The following GAS6 variants were observed in gnomAD, a reference collection of about 807,000 sequenced individuals.
The protein encoded by GAS6 is growth arrest specific 6, also known as growth arrest-specific protein 6.
A neutral mutation model predicts 75.8 loss-of-function variants in GAS6; 41 were observed. The ratio of observed to expected loss-of-function variants is 0.54; its 90% CI spans 0.42 to 0.70. GAS6 has a LOEUF of 0.70. GAS6 is among the 30% of genes least tolerant of loss of function. The pLI, the probability that GAS6 is intolerant of heterozygous loss-of-function variation, is 0.00. For missense variants in GAS6, 854 were observed against 940.2 expected (o/e 0.91, Z 1.20); for synonymous variants, 432 against 412.6 (o/e 1.05, Z -0.57).
chr13:113,827,384 A>G (rs2138621569), intron 11 of GAS6, among the ~76,000 whole-genome samples: 1 of 152,366 alleles, frequency 6.6e-6, no homozygotes, highest in Non-Finnish European at 1.5e-5. Flanking sequence ...TCAAGAACTA[A>G]AGGTTCATTT....
intron 6 of GAS6, chr13:113,835,935 C>G: frequency 1.7e-6 from 2 of 1,188,006 alleles, no homozygotes; most frequent in Non-Finnish European, 2.1e-6. Context: ...CTGTGCTGTT[C>G]CATTTAAATG....
chr13:113,854,375 G>T (rs997652205), intron 2 of GAS6, among the ~76,000 whole-genome samples: 1 of 152,262 alleles, frequency 6.6e-6, no homozygotes, highest in Non-Finnish European at 1.5e-5. Context: ...AGCTCGAGTG[G>T]CTTCCAGCAG....
chr13:113,847,168 C>T (rs1302812487), intron 3 of GAS6: 1 of 311,818 alleles, frequency 3.2e-6, no homozygotes, highest in Non-Finnish European at 6.4e-6. Flanking sequence ...GTTGCTTATC[C>T]AGGCGCAGAA....
At position 113,838,180 on chromosome 13, in the gene GAS6, A is replaced by G; in HGVS notation, c.478T>C (p.Cys160Arg). ...GRLCDKDVNE[C>R]SQENGGCLQI... Reference sequence around the variant, plus strand: ...AGGCAGCCCCCGTTCTCCTGGCTGCATTCGTTGACATCTGGGAACAAGCAC... The same window carrying G: ...AGGCAGCCCCCGTTCTCCTGGCTGCGTTCGTTGACATCTGGGAACAAGCAC... Residue 160 changes from cysteine to arginine, a missense_variant, in exon 6 of 15, where the codon TGC becomes CGC. Coordinates refer to ENST00000327773, the MANE Select transcript of GAS6 (RefSeq NM_000820.4). 4 of 1,612,728 alleles carry G rather than the reference A, an allele frequency of 2.5e-6. No individual in the cohort carries two copies. The highest frequency in any genetic ancestry group is 3.4e-6 in the Non-Finnish European group (4 of 1,179,874).
rs541115668 is a variant in GAS6 at position 113,845,725 on chromosome 13, G to A, written c.343+802C>T. 4 of 145,664 alleles carry A rather than the reference G, an allele frequency of 2.7e-5. No homozygotes were observed. In the Admixed American group the frequency reaches 2.8e-4, roughly 10 times the overall value. The allele number at this position is 145,664 out of a possible 1,614,324, so 9.0% of individuals were successfully genotyped here. A position where few individuals can be genotyped will look rare whatever the true frequency, so the allele number is the denominator to read the frequency against. On this transcript the variant is annotated intron_variant, in intron 4 of 14. Coordinates refer to ENST00000327773, the MANE Select transcript of GAS6 (RefSeq NM_000820.4). This position sits in a 1 kb window ranked among gnomAD's most constrained non-coding sequence, Gnocchi z 4.3. The stretch of plus-strand genomic sequence containing the variant: ...ATACACAGTTTTTAAACCTATGAAG[G>A]ACAGCTTTACTCATTAGTTAAAAAA...
intron 12 of GAS6, among the ~76,000 whole-genome samples, chr13:113,826,436 A>G (rs1245118172): frequency 1.6e-5 from 2 of 128,684 alleles, no homozygotes; most frequent in Non-Finnish European, 3.3e-5. Context: ...CCTCGCAGGC[A>G]CCTTCTCTCC....
At chr13:113,855,356 G>A (rs1233784815) in intron 2 of GAS6, among the ~76,000 whole-genome samples, 3 of 152,182 alleles carry the variant, frequency 2.0e-5, no homozygotes, top group East Asian at 1.9e-4. Context: ...ATAAGCTACC[G>A]GCCTCTGTTC....
chr13:113,838,153 G>C lies in GAS6; in HGVS notation c.505C>G (p.Gln169Glu), dbSNP rs759463670. 6.2e-7 allele frequency: 1 copy of C among 1,612,960 alleles called. No homozygotes were observed. The highest frequency in any genetic ancestry group is 8.5e-7 in the Non-Finnish European group (1 of 1,179,906). Residue 169 changes from glutamine (Q) to glutamate (E), a missense_variant, in exon 6 of 15, where the codon CAG becomes GAG. By Grantham distance (29) the Gln-to-Glu change is conservative. Transcript: ENST00000327773. Reference sequence around the variant, plus strand: ...CTACCCGGCTTGTTGTGGCAGATCTGGAGGCAGCCCCCGTTCTCCTGGCTG... The same window carrying C: ...CTACCCGGCTTGTTGTGGCAGATCTCGAGGCAGCCCCCGTTCTCCTGGCTG... ...ECSQENGGCL[Q>E]ICHNKPGSFH...
rs774822461 is a variant in GAS6, at chr13:113,846,565, G to A, written c.305C>T (p.Pro102Leu). 1.2e-5 allele frequency: 19 copies of A among 1,613,870 alleles called. No homozygotes were observed. The highest frequency in any genetic ancestry group is 2.2e-5 in the East Asian group (1 of 44,882). ...YLDCINKYGS[P>L]YTKNSGFATC... ...GGCGAAGCCTGAGTTTTTGGTGTAC[G>A]GAGACCCATACTTGTTGATGCAGTC... is the stretch of plus-strand genomic sequence containing the variant. Residue 102 changes from proline (P) to leucine (L), a missense_variant, in exon 4 of 15, where the codon CCG becomes CTG. Pro to Leu is a moderately conservative substitution (Grantham distance 98, BLOSUM62 -3). Transcript: ENST00000327773.
At position 113,827,050 on chromosome 13, in the gene GAS6, C is replaced by A. The variant is rs372418442; in HGVS notation, c.1423G>T (p.Glu475Ter). 6.2e-7 allele frequency: 1 copy of A among 1,613,538 alleles called. No individual in the cohort carries two copies. Among genetic ancestry groups the A allele is most frequent in the African/African-American group, 1.3e-5 (1 of 75,050 alleles). The change falls in exon 12 of 15, where the codon GAG (glutamate) becomes TAG (stop). Residue 475 changes from glutamate (E) to a stop codon, truncating the protein, a stop_gained. Coordinates refer to ENST00000327773, the MANE Select transcript of GAS6 (RefSeq NM_000820.4). LOFTEE classifies it high-confidence loss of function. ...CTCCCGGGGTAGAAAGAGCCTCTCT[C>A]CGTCACCGAGAAGCACTGCATCCTC... ...NTRMQCFSVTERGSFYPGSGF... is the reference protein window; with the variant it reads ...NTRMQCFSVT
intron 2 of GAS6, among the ~76,000 whole-genome samples, chr13:113,852,087 T>C (rs1169610757): frequency 6.6e-6 from 1 of 152,262 alleles, no homozygotes; most frequent in African/African-American, 2.4e-5. Flanking sequence ...GCTCGGCCTG[T>C]GCTCCCGAGG....
chr13:113,835,684 C>G, intron 6 of GAS6, 49 bp from the exon 7 acceptor site: 2 of 1,599,662 alleles, frequency 1.3e-6, no homozygotes, highest in Non-Finnish European at 1.7e-6. Context: ...GCATCTCAGA[C>G]GGGGCTGGGG....
rs1048109746 is a variant in GAS6, at chr13:113,833,764, G to A, written c.834+787C>T. On this transcript the variant is annotated intron_variant, in intron 8 of 14. Transcript: ENST00000327773. Reference sequence around the variant, plus strand: ...GTGACAGGTACTGTTGTGACAGGTCGGTGTGAGACACTGGTGTGACAAGTC... The same window carrying A: ...GTGACAGGTACTGTTGTGACAGGTCAGTGTGAGACACTGGTGTGACAAGTC... The A allele has an allele frequency of 7.9e-6, 8 of 1,011,186 alleles. No individual in the cohort carries two copies. In the South Asian group the frequency reaches 1.0e-4, roughly 13 times the overall value. 62.6% of individuals were successfully genotyped at this position (1,011,186 alleles called of 1,614,324 possible). A position where few individuals can be genotyped will look rare whatever the true frequency, so the allele number is the denominator to read the frequency against.
In GAS6 at chr13:113,844,785, AG is replaced by A. The variant is rs2051820952; in HGVS notation, c.343+1741del. 1 of 150,522 alleles carries A rather than the reference AG, an allele frequency of 6.6e-6. No individual in the cohort carries two copies. Among genetic ancestry groups the A allele is most frequent in the African/African-American group, 2.5e-5 (1 of 39,916 alleles). 9.3% of individuals were successfully genotyped at this position (150,522 alleles called of 1,614,324 possible). A position where few individuals can be genotyped will look rare whatever the true frequency, so the allele number is the denominator to read the frequency against. ...CAGCATATGAGGACGGCAGCAGGTG[AG>A]GCACTGGGGTGAGACAGACTCAAAT... On this transcript the variant is annotated intron_variant, in intron 4 of 14. Transcript: ENST00000327773. The surrounding 1 kb of genome is among the most constrained non-coding windows in gnomAD (Gnocchi z 5.7).
chr13:113,834,731 G>A (rs2051679867), intron 7 of GAS6, 59 bp from the exon 8 acceptor site: 1 of 1,374,414 alleles, frequency 7.3e-7, no homozygotes, highest in Admixed American at 2.7e-5. Context: ...TCCCGCCGTG[G>A]GATCACACCG....
chr13:113,855,067 A>G (rs2051903641), intron 2 of GAS6, among the ~76,000 whole-genome samples: 1 of 152,246 alleles, frequency 6.6e-6, no homozygotes, highest in Non-Finnish European at 1.5e-5. Context: ...GAAAAACAAG[A>G]CAGTGTACTT....
intron 2 of GAS6, among the ~76,000 whole-genome samples, chr13:113,858,330 A>G (rs1358906321): frequency 1.3e-5 from 2 of 152,084 alleles, no homozygotes; most frequent in Non-Finnish European, 2.9e-5. Context: ...CATGTCTGTC[A>G]GTGTATGACT....
chr13:113,856,513 C>T (rs1049942033), intron 2 of GAS6, among the ~76,000 whole-genome samples: 7 of 152,032 alleles, frequency 4.6e-5, no homozygotes, highest in Admixed American at 6.6e-5. Flanking sequence ...GACCCGTGCA[C>T]GATTCATCTT....
chr13:113,857,206 T>C (rs1452092119), intron 2 of GAS6, among the ~76,000 whole-genome samples: 1 of 152,210 alleles, frequency 6.6e-6, no homozygotes, highest in East Asian at 1.9e-4. Flanking sequence ...TAGTAGAACA[T>C]TAACAAGGCC....
Sources: gnomAD v4.1 joint callset for allele counts (sites outside exome capture counted in the v4.1 genomes callset) on GRCh38, gnomAD v4.1.1 for gene constraint, Gnocchi (gnomAD v3.1) non-coding constraint, MANE v1.5 for transcripts, NCBI Gene and HGNC (gene_info 2026-07-23, HGNC 2026-07-21) for gene names.